Variants in ADGRB3 observed in about 807,000 individuals in gnomAD.
ADGRB3 encodes adhesion G protein-coupled receptor B3, also known as brain-specific angiogenesis inhibitor 3.
ADGRB3 carries 37 observed loss-of-function variants against 193.4 expected under a neutral mutation model. The observed-to-expected ratio is 0.19, with a 90% CI of 0.15 to 0.25. ADGRB3 has a LOEUF of 0.25. ADGRB3 is among the 10% of genes least tolerant of loss of function. The pLI is 1.00. For missense variants in ADGRB3, 1,637 were observed against 1,852.9 expected (o/e 0.88, Z 2.14); for synonymous variants, 690 against 644.2 (o/e 1.07, Z -1.08).
chr6:68,698,564 A>C (rs923012884), intron 3 of ADGRB3, among the ~76,000 whole-genome samples: 5 of 152,020 alleles, frequency 3.3e-5, no homozygotes, highest in Non-Finnish European at 7.4e-5. Flanking sequence ...TCTCAGTGAC[A>C]TCATTGTATG....
chr6:69,074,563 C>CATA (rs1262813355), intron 16 of ADGRB3, among the ~76,000 whole-genome samples: 3 of 136,134 alleles, frequency 2.2e-5, no homozygotes, highest in African/African-American at 8.3e-5. Flanking sequence ...TTTTTTGAGA[C>CATA]AGAGTCTTGC....
chr6:69,331,983 G>A, intron 23 of ADGRB3: 1 of 985,230 alleles, frequency 1.0e-6, no homozygotes, highest in Non-Finnish European at 1.2e-6. Context: ...CCTTACGTTA[G>A]CAACTGGACA....
intron 17 of ADGRB3, among the ~76,000 whole-genome samples, chr6:69,187,199 G>A (rs1200931008): frequency 6.6e-6 from 1 of 151,938 alleles, no homozygotes; most frequent in Admixed American, 6.6e-5. Flanking sequence ...AAGACCAAGA[G>A]AATGAAATTA....
chr6:68,653,176 A>G (rs1362891582), intron 3 of ADGRB3, among the ~76,000 whole-genome samples: 5 of 152,100 alleles, frequency 3.3e-5, no homozygotes, highest in Non-Finnish European at 7.4e-5. Context: ...CTCTCAGCTG[A>G]GTTCTTAAGT....
At chr6:68,861,619 A>C (rs1307235667) in intron 3 of ADGRB3, among the ~76,000 whole-genome samples, 1 of 152,198 alleles carries the variant, frequency 6.6e-6, no homozygotes, top group South Asian at 2.1e-4. Flanking sequence ...CAGTTATGCA[A>C]ATATGCAAAT....
intron 17 of ADGRB3, among the ~76,000 whole-genome samples, chr6:69,182,852 A>G (rs2150352105): frequency 6.6e-6 from 1 of 152,242 alleles, no homozygotes; most frequent in South Asian, 2.1e-4. Context: ...TGAACAATAA[A>G]AAACTGGGGA....
intron 3 of ADGRB3, among the ~76,000 whole-genome samples, chr6:68,780,622 A>T (rs749806990): frequency 1.3e-5 from 2 of 152,132 alleles, no homozygotes; most frequent in Non-Finnish European, 2.9e-5. Flanking sequence ...GACAGTCCTT[A>T]CGAGGCTATA....
intron 3 of ADGRB3, among the ~76,000 whole-genome samples, chr6:68,802,917 AC>A (rs1767339112): frequency 6.6e-6 from 1 of 152,010 alleles, no homozygotes; most frequent in South Asian, 2.1e-4. Context: ...TGGATTTCAA[AC>A]CTCTTCATAT....
intron 3 of ADGRB3, among the ~76,000 whole-genome samples, chr6:68,738,282 C>A (rs1307784919): frequency 6.6e-6 from 1 of 152,064 alleles, no homozygotes; most frequent in Non-Finnish European, 1.5e-5. Flanking sequence ...AGAGAGAGAG[C>A]ACTTGTATTA....
At chr6:69,083,771 CTTTTTTTT>C (rs35483512) in intron 17 of ADGRB3, among the ~76,000 whole-genome samples, 2 of 102,234 alleles carry the variant, frequency 2.0e-5, no homozygotes, top group African/African-American at 7.5e-5. Flanking sequence ...TTAACTGTTA[CTTTTTTTT>C]TTTTTTTTTT....
intron 20 of ADGRB3, among the ~76,000 whole-genome samples, chr6:69,303,105 C>A (rs1026092832): frequency 2.6e-5 from 4 of 151,888 alleles, no homozygotes; most frequent in African/African-American, 9.7e-5. Flanking sequence ...ATATTATTTT[C>A]ACAATTTTGC....
At chr6:69,175,749 A>G (rs1433569260) in intron 17 of ADGRB3, among the ~76,000 whole-genome samples, 1 of 152,158 alleles carries the variant, frequency 6.6e-6, no homozygotes, top group Non-Finnish European at 1.5e-5. Flanking sequence ...TTATAGTGAT[A>G]TTGACTGCCA....
chr6:68,876,561 A>T (rs140436813), intron 3 of ADGRB3, among the ~76,000 whole-genome samples: 4 of 152,290 alleles, frequency 2.6e-5, no homozygotes, highest in African/African-American at 9.6e-5. Context: ...TACTTTTCTT[A>T]TAGGAAATCA....
At chr6:69,299,522 A>G (rs1456568687) in intron 20 of ADGRB3, among the ~76,000 whole-genome samples, 1 of 151,876 alleles carries the variant, frequency 6.6e-6, no homozygotes, top group Non-Finnish European at 1.5e-5. Context: ...CGGGTATTAC[A>G]TTTAAGTATT....
At chr6:68,829,551 A>G (rs1767915301) in intron 3 of ADGRB3, among the ~76,000 whole-genome samples, 2 of 152,186 alleles carry the variant, frequency 1.3e-5, no homozygotes, top group Non-Finnish European at 2.9e-5. Flanking sequence ...TTAAGGTGGC[A>G]TGAAGGGTTA....
At chr6:69,185,386 T>A (rs184267086) in intron 17 of ADGRB3, among the ~76,000 whole-genome samples, 6 of 152,262 alleles carry the variant, frequency 3.9e-5, no homozygotes, top group Admixed American at 2.0e-4. Flanking sequence ...TAAGAGAGTA[T>A]ATAAACCCTC....
chr6:68,916,574 G>GAGTTGATT (rs1180556505), intron 3 of ADGRB3, among the ~76,000 whole-genome samples: 7 of 152,198 alleles, frequency 4.6e-5, no homozygotes, highest in African/African-American at 1.7e-4. Context: ...ACAGGTTGAT[G>GAGTTGATT]AGTTCTTTGC....
At chr6:69,100,930 G>GAGGGAAGGAAGGAGCA (rs1773031696) in intron 17 of ADGRB3, among the ~76,000 whole-genome samples, 1 of 5,564 alleles carries the variant, frequency 1.8e-4, no homozygotes, top group Non-Finnish European at 4.5e-4. Context: ...AGGAAGGAGG[G>GAGGGAAGGAAGGAGCA]AGGGAGGGAA....
At chr6:68,723,987 T>C (rs146820698) in intron 3 of ADGRB3, among the ~76,000 whole-genome samples, 1 of 151,614 alleles carries the variant, frequency 6.6e-6, no homozygotes, top group East Asian at 2.0e-4. Flanking sequence ...ATCAAAGAAA[T>C]ATACAGCTCA....
Sources: gnomAD v4.1 joint callset for allele counts (sites outside exome capture counted in the v4.1 genomes callset) on GRCh38, gnomAD v4.1.1 for gene constraint, MANE v1.5 for transcripts, NCBI Gene and HGNC (gene_info 2026-07-23, HGNC 2026-07-21) for gene names.